The following GULP1 variants were observed in gnomAD, a reference collection of about 807,000 sequenced individuals.
GULP1 encodes the protein GULP PTB domain containing engulfment adaptor 1.
GULP1 carries 19 observed loss-of-function variants against 40.9 expected under a neutral mutation model. The observed-to-expected ratio is 0.46, with a 90% CI of 0.32 to 0.68. GULP1 has a LOEUF of 0.68. Among genes scored for constraint, GULP1 ranks in the 30% least tolerant of loss-of-function variants. The pLI is 0.03. For synonymous variants in GULP1, 119 were observed against 117.6 expected (o/e 1.01, Z -0.08); for missense variants, 312 against 362.2 (o/e 0.86, Z 1.12).
intron 1 of GULP1, among the ~76,000 whole-genome samples, chr2:188,325,318 CAGACTAG>C (rs1350367374): frequency 6.6e-6 from 1 of 152,010 alleles, no homozygotes; most frequent in Non-Finnish European, 1.5e-5. Context: ...GATTATATTT[CAGACTAG>C]TGGCTTTGAA....
At chr2:188,300,464 T>A (rs548231671) in intron 1 of GULP1, among the ~76,000 whole-genome samples, 2 of 152,160 alleles carry the variant, frequency 1.3e-5, no homozygotes, top group African/African-American at 4.8e-5. Context: ...GTGGATTACT[T>A]ACTGATCATT....
chr2:188,522,747 C>G lies in GULP1; in HGVS notation c.91-9C>G. The G allele has an allele frequency of 6.3e-7, 1 of 1,588,752 alleles. No homozygotes were observed. Among genetic ancestry groups the G allele is most frequent in the Non-Finnish European group, 8.6e-7 (1 of 1,157,328 alleles). ...TAAAAGCCTGTGTCTCACAAATGAC[C>G]ATTTTCAGTTTCTTGGCAGTACAGA... is the stretch of plus-strand genomic sequence containing the variant. On this transcript the variant is annotated splice_polypyrimidine_tract_variant and intron_variant, in intron 4 of 11. Transcript: ENST00000409830.
chr2:188,580,377 C>T (rs1701016735), intron 9 of GULP1, among the ~76,000 whole-genome samples: 1 of 151,694 alleles, frequency 6.6e-6, no homozygotes, highest in Admixed American at 6.6e-5. Context: ...AACGGTGAAA[C>T]CCCGTCTCTA....
At chr2:188,363,766 A>G (rs2152391369) in intron 1 of GULP1, among the ~76,000 whole-genome samples, 1 of 152,306 alleles carries the variant, frequency 6.6e-6, no homozygotes, top group East Asian at 1.9e-4. Flanking sequence ...GAAATACTGT[A>G]TAACTTGAAG....
chr2:188,588,008 G>T, intron 11 of GULP1, 59 bp downstream of exon 11: 1 of 892,580 alleles, frequency 1.1e-6, no homozygotes, highest in Non-Finnish European at 1.9e-6. Context: ...ATGGGACAAA[G>T]AGAATGTTAT....
At chr2:188,441,936 G>T (rs2057974805) in intron 2 of GULP1, among the ~76,000 whole-genome samples, 1 of 152,182 alleles carries the variant, frequency 6.6e-6, no homozygotes, top group Admixed American at 6.5e-5. Flanking sequence ...ACTTTGCGTT[G>T]ATGTGTTGAC....
At chr2:188,563,966 G>A (rs1416767542) in intron 7 of GULP1, among the ~76,000 whole-genome samples, 1 of 151,950 alleles carries the variant, frequency 6.6e-6, no homozygotes, top group Non-Finnish European at 1.5e-5. Context: ...TTCAAGTTTG[G>A]TTTAACATAA....
At chr2:188,369,008 G>T (rs1401994274) in intron 1 of GULP1, among the ~76,000 whole-genome samples, 1 of 135,522 alleles carries the variant, frequency 7.4e-6, no homozygotes, top group African/African-American at 2.7e-5. Flanking sequence ...TGTCGCCCAG[G>T]CTGGAGTGCA....
chr2:188,508,050 A>T (rs1171703472), intron 4 of GULP1, among the ~76,000 whole-genome samples: 4 of 151,998 alleles, frequency 2.6e-5, no homozygotes, highest in Non-Finnish European at 5.9e-5. Flanking sequence ...AAAATCATAA[A>T]GGTCTATGAT....
chr2:188,485,263 A>G (rs2061766288), intron 4 of GULP1, among the ~76,000 whole-genome samples: 1 of 152,022 alleles, frequency 6.6e-6, no homozygotes, highest in Non-Finnish European at 1.5e-5. Context: ...CTACATGGAA[A>G]AGTTGCCAGT....
At chr2:188,517,590 C>T (rs1265362911) in intron 4 of GULP1, among the ~76,000 whole-genome samples, 3 of 152,010 alleles carry the variant, frequency 2.0e-5, no homozygotes, top group Non-Finnish European at 2.9e-5. Context: ...TATTTAAGAT[C>T]GACTCACTCA....
chr2:188,423,755 T>A (rs2055777073), intron 2 of GULP1, among the ~76,000 whole-genome samples: 1 of 151,910 alleles, frequency 6.6e-6, no homozygotes, highest in African/African-American at 2.4e-5. Context: ...TCATGATTAG[T>A]TAGCTTTTCA....
intron 2 of GULP1, among the ~76,000 whole-genome samples, chr2:188,438,894 G>C (rs988119446): frequency 6.6e-6 from 1 of 151,678 alleles, no homozygotes; most frequent in Admixed American, 6.6e-5. Flanking sequence ...ATATAAAAGA[G>C]AAATGCCTTC....
At chr2:188,473,037 A>G (rs2153015792) in intron 2 of GULP1, among the ~76,000 whole-genome samples, 1 of 152,338 alleles carries the variant, frequency 6.6e-6, no homozygotes, top group East Asian at 1.9e-4. Flanking sequence ...AGAGACTCAT[A>G]GAGATACTGC....
intron 9 of GULP1, among the ~76,000 whole-genome samples, chr2:188,573,636 C>G (rs886423911): frequency 1.3e-5 from 2 of 152,110 alleles, no homozygotes; most frequent in African/African-American, 4.8e-5. Context: ...AAATAGGACT[C>G]TGTGGGTTTT....
intron 6 of GULP1, among the ~76,000 whole-genome samples, chr2:188,539,133 A>G (rs1689757529): frequency 6.6e-6 from 1 of 152,078 alleles, no homozygotes; most frequent in Non-Finnish European, 1.5e-5. Context: ...AAGATTATAG[A>G]GTGCTAGAAA....
chr2:188,382,410 C>A (rs541443376), intron 1 of GULP1, among the ~76,000 whole-genome samples: 75 of 152,250 alleles, frequency 4.9e-4, no homozygotes, highest in Non-Finnish European at 9.4e-4. Flanking sequence ...TGATAATGAT[C>A]TCTGTGTTGG....
intron 2 of GULP1, among the ~76,000 whole-genome samples, chr2:188,389,760 A>G (rs1238807474): frequency 6.6e-6 from 1 of 152,008 alleles, no homozygotes; most frequent in African/African-American, 2.4e-5. Context: ...TTCCTCACCC[A>G]GTTCCCACCC....
intron 2 of GULP1, among the ~76,000 whole-genome samples, chr2:188,392,693 T>A (rs2050690282): frequency 6.6e-6 from 1 of 152,088 alleles, no homozygotes; most frequent in Non-Finnish European, 1.5e-5. Flanking sequence ...AGGTTGTCAA[T>A]TTGTGATCTT....
Sources: allele counts gnomAD v4.1 joint callset (sites outside exome capture counted in the v4.1 genomes callset), GRCh38; gene constraint gnomAD v4.1.1; transcripts MANE v1.5; gene names NCBI Gene and HGNC (gene_info 2026-07-23, HGNC 2026-07-21).